QTMAN: variants seen among roughly 807,000 people sequenced by gnomAD.
QTMAN encodes the protein tRNA-queuosine alpha-mannosyltransferase.
chr2:144,234,283 C>T, the QTMAN span, among the ~76,000 whole-genome samples: 4 of 152,288 alleles, frequency 2.6e-5, no homozygotes, highest in East Asian at 5.8e-4. Flanking sequence ...GAAGCTAACA[C>T]AAATGAGAAA....
chr2:144,091,158 T>C, the QTMAN span, among the ~76,000 whole-genome samples: 5 of 151,858 alleles, frequency 3.3e-5, no homozygotes, highest in African/African-American at 1.2e-4. Context: ...TGGATATCTA[T>C]ATGTTAAAAA....
chr2:144,037,575 A>G, the QTMAN span, among the ~76,000 whole-genome samples: 1 of 152,216 alleles, frequency 6.6e-6, no homozygotes, highest in Non-Finnish European at 1.5e-5. Flanking sequence ...ACAAACAAAT[A>G]AATAACCTGA....
chr2:144,019,435 G>GGGGTGTGT, the QTMAN span, among the ~76,000 whole-genome samples: 463 of 117,276 alleles, frequency 3.9e-3, 2 homozygotes, highest in Middle Eastern at 0.025. Context: ...TAAGCATGCA[G>GGGGTGTGT]GTGTGTGTGT....
the QTMAN span, among the ~76,000 whole-genome samples, chr2:144,235,214 A>G: frequency 2.0e-5 from 3 of 152,186 alleles, no homozygotes; most frequent in African/African-American, 7.2e-5. Flanking sequence ...CAGAAAACAA[A>G]AAGAATGAAA....
chr2:144,026,581 G>A, the QTMAN span, among the ~76,000 whole-genome samples: 1 of 152,140 alleles, frequency 6.6e-6, no homozygotes, highest in South Asian at 2.1e-4. Context: ...GTTAATGCTT[G>A]GAAATCAGTG....
the QTMAN span, among the ~76,000 whole-genome samples, chr2:144,309,376 T>G: frequency 2.0e-5 from 3 of 152,136 alleles, no homozygotes; most frequent in South Asian, 2.1e-4. Flanking sequence ...CAAATGTTCA[T>G]GAACAGATAC....
At chr2:144,092,816 A>G in the QTMAN span, among the ~76,000 whole-genome samples, 2 of 151,960 alleles carry the variant, frequency 1.3e-5, no homozygotes, top group Admixed American at 6.6e-5. Context: ...GCTTTATGGT[A>G]CTTAAAGAAC....
chr2:144,070,432 T>C, the QTMAN span, among the ~76,000 whole-genome samples: 1 of 152,162 alleles, frequency 6.6e-6, no homozygotes, highest in Non-Finnish European at 1.5e-5. Flanking sequence ...AGTTTACATT[T>C]ATATTAACAA....
At chr2:143,979,596 A>G in the QTMAN span, among the ~76,000 whole-genome samples, 5 of 152,216 alleles carry the variant, frequency 3.3e-5, no homozygotes, top group Non-Finnish European at 7.3e-5. Flanking sequence ...ATATGCAAAC[A>G]TATAGATTTG....
the QTMAN span, among the ~76,000 whole-genome samples, chr2:144,133,151 A>ATTT: frequency 1.9e-5 from 1 of 51,394 alleles, no homozygotes; most frequent in African/African-American, 9.0e-5. Context: ...ATATATATAT[A>ATTT]ATATAATATA....
the QTMAN span, among the ~76,000 whole-genome samples, chr2:144,295,732 C>T: frequency 6.6e-6 from 1 of 152,094 alleles, no homozygotes; most frequent in African/African-American, 2.4e-5. Flanking sequence ...CCCACCTCAG[C>T]CTCTCGAGTA....
the QTMAN span, among the ~76,000 whole-genome samples, chr2:144,101,211 A>G: frequency 2.0e-5 from 3 of 152,146 alleles, no homozygotes; most frequent in East Asian, 5.8e-4. Context: ...AATATTTGCA[A>G]CAGGGGAGTT....
the QTMAN span, among the ~76,000 whole-genome samples, chr2:144,255,980 G>C: frequency 6.6e-6 from 1 of 152,138 alleles, no homozygotes; most frequent in African/African-American, 2.4e-5. Flanking sequence ...TTTTGCTCTG[G>C]ACCTAAAACA....
the QTMAN span, among the ~76,000 whole-genome samples, chr2:144,039,229 C>A: frequency 6.6e-6 from 1 of 152,074 alleles, no homozygotes; most frequent in Non-Finnish European, 1.5e-5. Flanking sequence ...CTTGAATATG[C>A]GAACGTGCTT....
At chr2:144,121,969 T>C in the QTMAN span, among the ~76,000 whole-genome samples, 1 of 152,206 alleles carries the variant, frequency 6.6e-6, no homozygotes, top group Non-Finnish European at 1.5e-5. Context: ...AATAACAGCA[T>C]TTGAGGAAAA....
the QTMAN span, among the ~76,000 whole-genome samples, chr2:144,087,461 GCC>G: frequency 6.6e-6 from 1 of 151,924 alleles, no homozygotes; most frequent in Non-Finnish European, 1.5e-5. Context: ...ATTCTATGAG[GCC>G]AGCATCCCCA....
chr2:144,061,175 G>A, the QTMAN span, among the ~76,000 whole-genome samples: 1 of 152,026 alleles, frequency 6.6e-6, no homozygotes, highest in African/African-American at 2.4e-5. Flanking sequence ...AATATCTTCT[G>A]AAATCATGAC....
At chr2:143,965,584 G>A in the QTMAN span, among the ~76,000 whole-genome samples, 1 of 152,152 alleles carries the variant, frequency 6.6e-6, no homozygotes, top group Non-Finnish European at 1.5e-5. Flanking sequence ...TCTCAATCTA[G>A]GCACTATTGA....
At chr2:144,196,821 C>T in the QTMAN span, among the ~76,000 whole-genome samples, 1 of 152,160 alleles carries the variant, frequency 6.6e-6, no homozygotes, top group South Asian at 2.1e-4. Context: ...CATTTTCACT[C>T]TGAGATCTAG....
Sources: allele counts gnomAD v4.1 joint callset (sites outside exome capture counted in the v4.1 genomes callset), GRCh38; gene constraint gnomAD v4.1.1; transcripts MANE v1.5; gene names NCBI Gene and HGNC (gene_info 2026-07-23, HGNC 2026-07-21).